The following SYNPR variants were observed in gnomAD, a reference collection of about 807,000 sequenced individuals.
SYNPR encodes synaptoporin.
Under a neutral mutation model 32.9 loss-of-function variants are expected in SYNPR, and 23 were observed. That is an observed-to-expected ratio of 0.70 (90% CI 0.50 to 0.99). The LOEUF (loss-of-function observed/expected upper bound fraction) is 0.99, where lower values mean the gene tolerates loss of function less well. Ranked by LOEUF, SYNPR falls within the 50% of genes least tolerant of loss-of-function variation. The pLI is 0.00. For missense variants in SYNPR, 318 were observed against 349.3 expected, an observed-to-expected ratio of 0.91 and a Z score of 0.71; for synonymous variants, 146 against 135.9, an observed-to-expected ratio of 1.07 and a Z score of -0.52.
upstream of SYNPR, among the ~76,000 whole-genome samples, chr3:63,225,654 G>A (rs2086123185): frequency 6.6e-6 from 1 of 152,098 alleles, no homozygotes; most frequent in Non-Finnish European, 1.5e-5. Context: ...ACCAACTCAA[G>A]ATGGATTAAA....
chr3:63,393,496 C>A (rs1379452804), intron 2 of SYNPR, among the ~76,000 whole-genome samples: 5 of 84,504 alleles, frequency 5.9e-5, no homozygotes, highest in East Asian at 7.9e-4. Flanking sequence ...TCTTTCTTCT[C>A]TTTTTTTTTT....
chr3:63,345,326 G>T (rs2087423799), intron 2 of SYNPR, among the ~76,000 whole-genome samples: 1 of 152,208 alleles, frequency 6.6e-6, no homozygotes, highest in African/African-American at 2.4e-5. Flanking sequence ...CCTATGGCCA[G>T]GAATGAGCAA....
rs1255435696 is a variant in SYNPR at position 63,278,731 on chromosome 3, G to A, written c.73G>A (p.Ala25Thr). 1.3e-6 allele frequency: 2 copies of A among 1,551,562 alleles called. No individual in the cohort carries two copies. The highest frequency in any genetic ancestry group is 2.7e-5 in the African/African-American group (2 of 73,058). ...VLKEPLAFLR[A>T]LELLFAIFAF... ...GAAGGAGCCCCTTGCCTTCCTGCGA[G>A]CCCTGGAATTGGTGAGTAGCAGTGT... Residue 25 changes from alanine to threonine, a missense_variant, in exon 2 of 6, where the codon GCC becomes ACC. Physicochemically the swap from Ala to Thr is moderately conservative, Grantham distance 58 (BLOSUM62 0). Transcript: ENST00000478300.
intron 2 of SYNPR, among the ~76,000 whole-genome samples, chr3:63,475,664 T>G (rs961460501): frequency 1.3e-5 from 2 of 152,148 alleles, no homozygotes; most frequent in Non-Finnish European, 2.9e-5. Context: ...AGAGTCATCC[T>G]CAAATGGAGA....
intron 2 of SYNPR, among the ~76,000 whole-genome samples, chr3:63,418,569 G>C (rs1040742506): frequency 2.0e-5 from 3 of 152,272 alleles, no homozygotes; most frequent in South Asian, 2.1e-4. Context: ...GGTAATTTAT[G>C]AAGAAAAAGA....
chr3:63,573,407 A>G (rs1402944171), intron 4 of SYNPR, among the ~76,000 whole-genome samples: 1 of 152,172 alleles, frequency 6.6e-6, no homozygotes, highest in Non-Finnish European at 1.5e-5. Flanking sequence ...TATTAAGGAA[A>G]GATGTCAAGA....
intron 2 of SYNPR, among the ~76,000 whole-genome samples, chr3:63,357,678 A>G (rs1236824244): frequency 6.6e-6 from 1 of 152,164 alleles, no homozygotes; most frequent in Admixed American, 6.5e-5. Flanking sequence ...AGATTTAACT[A>G]TTAAGTGTGT....
intron 2 of SYNPR, among the ~76,000 whole-genome samples, chr3:63,457,222 T>C (rs1700498978): frequency 6.6e-6 from 1 of 152,170 alleles, no homozygotes; most frequent in African/African-American, 2.4e-5. Flanking sequence ...CCTGATGAAC[T>C]CTTCAGTGCT....
chr3:63,536,512 T>A (rs544499926), intron 3 of SYNPR, among the ~76,000 whole-genome samples: 2 of 152,184 alleles, frequency 1.3e-5, no homozygotes, highest in African/African-American at 2.4e-5. Flanking sequence ...GCTAGTGGGA[T>A]TGTAAAATTG....
chr3:63,550,220 C>T (rs1702476741), intron 3 of SYNPR, among the ~76,000 whole-genome samples: 1 of 150,806 alleles, frequency 6.6e-6, no homozygotes. Flanking sequence ...CTTAAAAGAA[C>T]TTATATATAA....
At chr3:63,568,549 G>A (rs1702833275) in intron 4 of SYNPR, among the ~76,000 whole-genome samples, 1 of 152,102 alleles carries the variant, frequency 6.6e-6, no homozygotes, top group African/African-American at 2.4e-5. Context: ...AGTGACTCAA[G>A]CCAGGAATCA....
At chr3:63,217,408 G>A in the SYNPR span, among the ~76,000 whole-genome samples, 52 of 57,224 alleles carry the variant, frequency 9.1e-4, 12 homozygotes, top group African/African-American at 2.5e-3. Flanking sequence ...ATATAGTCTC[G>A]TGGTGCACCG....
the SYNPR span, among the ~76,000 whole-genome samples, chr3:63,207,025 A>G: frequency 6.6e-6 from 1 of 152,240 alleles, no homozygotes; most frequent in Non-Finnish European, 1.5e-5. Flanking sequence ...CCAGGCTCTC[A>G]GGGAGAAGGA....
chr3:63,449,661 C>T (rs1372913717), intron 2 of SYNPR, among the ~76,000 whole-genome samples: 1 of 152,200 alleles, frequency 6.6e-6, no homozygotes, highest in African/African-American at 2.4e-5. Context: ...CTTTCAGATA[C>T]TCTGCTGCAC....
intron 3 of SYNPR, among the ~76,000 whole-genome samples, chr3:63,496,616 G>C (rs1370492747): frequency 6.6e-6 from 1 of 152,150 alleles, no homozygotes; most frequent in African/African-American, 2.4e-5. Flanking sequence ...AGATATGAAA[G>C]TGCCTGTTTC....
intron 2 of SYNPR, among the ~76,000 whole-genome samples, chr3:63,450,108 T>C (rs113896953): frequency 4.3e-4 from 65 of 152,330 alleles, no homozygotes; most frequent in African/African-American, 1.3e-3. Context: ...TCTACAGGCT[T>C]GGCTTTCTTA....
chr3:63,391,935 T>C (rs2088143274), intron 2 of SYNPR, among the ~76,000 whole-genome samples: 1 of 152,184 alleles, frequency 6.6e-6, no homozygotes, highest in African/African-American at 2.4e-5. Context: ...ACTCTAGTGA[T>C]TTCTTTCTTA....
At chr3:63,476,868 T>C (rs1320804620) in intron 2 of SYNPR, among the ~76,000 whole-genome samples, 2 of 152,174 alleles carry the variant, frequency 1.3e-5, no homozygotes, top group African/African-American at 4.8e-5. Flanking sequence ...AGCCCCATGG[T>C]GGGTGGGAAA....
At chr3:63,397,000 A>C (rs1453795470) in intron 2 of SYNPR, among the ~76,000 whole-genome samples, 1 of 150,770 alleles carries the variant, frequency 6.6e-6, no homozygotes, top group Admixed American at 6.6e-5. Context: ...GCCACTCAGG[A>C]GGCTGAGGTA....
Sources: gnomAD v4.1 joint callset for allele counts (sites outside exome capture counted in the v4.1 genomes callset) on GRCh38, gnomAD v4.1.1 for gene constraint, MANE v1.5 for transcripts, NCBI Gene and HGNC (gene_info 2026-07-23, HGNC 2026-07-21) for gene names.